Variants in SNX6 observed in about 807,000 individuals in gnomAD.
SNX6 encodes sorting nexin 6, also known as sorting nexin-6.
SNX6 carries 34 observed loss-of-function variants against 63.0 expected under a neutral mutation model. That is an observed-to-expected ratio of 0.54 (90% CI 0.41 to 0.72). The LOEUF (loss-of-function observed/expected upper bound fraction) is 0.72, where lower values mean the gene tolerates loss of function less well. SNX6 is among the 30% of genes least tolerant of loss of function. The pLI, the probability that SNX6 is intolerant of heterozygous loss-of-function variation, is 0.00. For synonymous variants in SNX6, 170 were observed against 164.2 expected, an observed-to-expected ratio of 1.04 and a Z score of -0.27; for missense variants, 398 against 471.4, an observed-to-expected ratio of 0.84 and a Z score of 1.44.
At chr14:34,587,708 T>G (rs1882232396) in intron 8 of SNX6, among the ~76,000 whole-genome samples, 1 of 151,722 alleles carries the variant, frequency 6.6e-6, no homozygotes, top group Admixed American at 6.6e-5. Context: ...CACGGCTCAC[T>G]GCAGTCTCAA....
At chr14:34,577,447 C>T (rs1418044775) in intron 10 of SNX6, among the ~76,000 whole-genome samples, 1 of 152,050 alleles carries the variant, frequency 6.6e-6, no homozygotes, top group East Asian at 1.9e-4. Flanking sequence ...TGAAGGCTTG[C>T]AATGGTAGAC....
intron 8 of SNX6, among the ~76,000 whole-genome samples, chr14:34,590,207 T>A (rs1882338244): frequency 1.3e-5 from 2 of 151,920 alleles, no homozygotes. Flanking sequence ...GGTGGGCAGA[T>A]TACGAGGTGA....
rs117879080 is a variant in SNX6 at position 34,589,653 on chromosome 14, C to A, written c.719-3348G>T. On this transcript the variant is annotated intron_variant, in intron 8 of 13. Coordinates refer to ENST00000362031, the MANE Select transcript of SNX6 (RefSeq NM_152233.4). ...CCAGCCTGGGCAATATGGCAAAACC[C>A]CATCTCTAAAAAAAAATACAAAAGA... Among the ~76,000 whole-genome samples, 256 of 151,878 alleles carry A rather than the reference C, an allele frequency of 1.7e-3. 1 individual carries two copies. Among genetic ancestry groups the A allele is most frequent in the Middle Eastern group, 6.8e-3 (2 of 294 alleles).
intron 2 of SNX6, among the ~76,000 whole-genome samples, chr14:34,625,340 G>GA (rs1279181886): frequency 1.3e-5 from 2 of 152,186 alleles, no homozygotes; most frequent in African/African-American, 4.8e-5. Context: ...AAACAGGCCA[G>GA]ATATTTCTAT....
At chr14:34,596,642 G>C (rs532457259) in intron 7 of SNX6, among the ~76,000 whole-genome samples, 1 of 150,230 alleles carries the variant, frequency 6.7e-6, no homozygotes, top group African/African-American at 2.4e-5. Flanking sequence ...AAGAGAGAGA[G>C]AGAAAATGGA....
At chr14:34,594,396 C>T (rs942514766) in intron 7 of SNX6, among the ~76,000 whole-genome samples, 12 of 151,738 alleles carry the variant, frequency 7.9e-5, no homozygotes, top group African/African-American at 2.9e-4. Context: ...CTTTGTAATC[C>T]AGGCTGGACT....
chr14:34,625,144 C>T (rs927127738), intron 2 of SNX6, among the ~76,000 whole-genome samples: 1 of 151,916 alleles, frequency 6.6e-6, no homozygotes, highest in Admixed American at 6.6e-5. Context: ...CTCGAACTCC[C>T]GACCTCGTGA....
At position 34,578,159 on chromosome 14, in the gene SNX6, G is replaced by A. The variant is rs561607974; in HGVS notation, c.835-2317C>T. Among the ~76,000 whole-genome samples the A allele has an allele frequency of 1.3e-3, 200 of 152,038 alleles. 1 individual carries two copies. The highest frequency in any genetic ancestry group is 2.5e-3 in the Non-Finnish European group (170 of 67,984). On this transcript the variant is annotated intron_variant, in intron 10 of 13. Transcript: ENST00000362031. ...GCAAAGGTTGCAGTGAGCCAAGATC[G>A]TTCCACTGCACTCCAGCTTGGGTGA...
At chr14:34,604,201 C>G (rs1566484395) in intron 5 of SNX6, 1 of 1,288,408 alleles carries the variant, frequency 7.8e-7, no homozygotes, top group Non-Finnish European at 1.0e-6. Context: ...TCAGTGAAGA[C>G]AAAAAAGAAG....
chr14:34,605,735 G>T lies in SNX6; in HGVS notation c.271-18C>A. 1 of 1,581,566 alleles carries T rather than the reference G, an allele frequency of 6.3e-7. No homozygotes were observed. The highest frequency in any genetic ancestry group is 1.2e-5 in the South Asian group (1 of 84,884). Reference sequence around the variant, plus strand: ...GGTGGAATCTGTAACAGGACCAAATGACTAATTTTAAGGAAATTTTCATTT... The same window carrying T: ...GGTGGAATCTGTAACAGGACCAAATTACTAATTTTAAGGAAATTTTCATTT... On this transcript the variant is annotated intron_variant, in intron 4 of 13. Transcript: ENST00000362031.
At chr14:34,609,543 T>C (rs1883146693) in intron 3 of SNX6, 95 bp downstream of exon 3, 3 of 610,532 alleles carry the variant, frequency 4.9e-6, no homozygotes, top group East Asian at 3.0e-5. Context: ...AAATAGTTTC[T>C]TTCCAATTAT....
At chr14:34,623,344 G>T (rs1194306170) in intron 2 of SNX6, among the ~76,000 whole-genome samples, 1 of 152,018 alleles carries the variant, frequency 6.6e-6, no homozygotes, top group African/African-American at 2.4e-5. Context: ...ATGGGGAGTA[G>T]ACTAGAATAT....
At chr14:34,577,330 C>T (rs750426399) in intron 10 of SNX6, among the ~76,000 whole-genome samples, 1 of 151,954 alleles carries the variant, frequency 6.6e-6, no homozygotes, top group Non-Finnish European at 1.5e-5. Flanking sequence ...CTCAGGTGAC[C>T]CACCCACCTC....
chr14:34,584,782 G>C (rs199694351), intron 9 of SNX6, among the ~76,000 whole-genome samples: 1 of 151,664 alleles, frequency 6.6e-6, no homozygotes, highest in Admixed American at 6.6e-5. Flanking sequence ...GAGTAAAGTC[G>C]ATTTTTATTT....
intron 2 of SNX6, among the ~76,000 whole-genome samples, chr14:34,623,521 C>T (rs949671457): frequency 6.6e-5 from 10 of 152,044 alleles, no homozygotes; most frequent in East Asian, 1.9e-4. Flanking sequence ...AGTAATTTGA[C>T]GACTGAATTG....
chr14:34,612,071 G>A (rs1883252832), intron 2 of SNX6, among the ~76,000 whole-genome samples: 1 of 152,104 alleles, frequency 6.6e-6, no homozygotes, highest in South Asian at 2.1e-4. Flanking sequence ...GAGCCACCGT[G>A]TCCAGCCTCC....
chr14:34,595,861 T>G (rs1882574459), intron 7 of SNX6, among the ~76,000 whole-genome samples: 1 of 152,228 alleles, frequency 6.6e-6, no homozygotes, highest in Non-Finnish European at 1.5e-5. Context: ...TTCTCATATT[T>G]TAATGGTAAG....
chr14:34,602,346 A>G (rs1244572913), intron 6 of SNX6, among the ~76,000 whole-genome samples: 1 of 151,912 alleles, frequency 6.6e-6, no homozygotes, highest in African/African-American at 2.4e-5. Flanking sequence ...GAATTGCTTG[A>G]ACCAAGGAGG....
chr14:34,627,701 G>A (rs948703223), intron 2 of SNX6, among the ~76,000 whole-genome samples: 2 of 152,092 alleles, frequency 1.3e-5, no homozygotes, highest in Non-Finnish European at 2.9e-5. Flanking sequence ...TGTTGGTCAG[G>A]CTGGTCTCGA....
Sources: gnomAD v4.1 joint callset for allele counts (sites outside exome capture counted in the v4.1 genomes callset) on GRCh38, gnomAD v4.1.1 for gene constraint, MANE v1.5 for transcripts, NCBI Gene and HGNC (gene_info 2026-07-23, HGNC 2026-07-21) for gene names.